NUP153: variants seen among roughly 807,000 people sequenced by gnomAD.
NUP153 encodes nucleoporin 153.
In NUP153, 27 loss-of-function variants were observed where a neutral mutation model predicts 134.6. The ratio of observed to expected loss-of-function variants is 0.20; its 90% confidence interval spans 0.15 to 0.28. The LOEUF is 0.28. NUP153 is among the 10% of genes least tolerant of loss of function. The pLI is 1.00. For missense variants in NUP153, 1,821 were observed against 1,731.3 expected (o/e 1.05, Z -0.92); for synonymous variants, 640 against 623.5 (o/e 1.03, Z -0.40).
At chr6:17,654,988 G>A (rs1305407782) in intron 11 of NUP153, among the ~76,000 whole-genome samples, 2 of 152,118 alleles carry the variant, frequency 1.3e-5, no homozygotes, top group African/African-American at 4.8e-5. Flanking sequence ...AGGTTAATTT[G>A]ACCAAGGTCA....
chr6:17,657,404 A>T (rs1441059755), intron 11 of NUP153, among the ~76,000 whole-genome samples: 10 of 151,160 alleles, frequency 6.6e-5, no homozygotes, highest in African/African-American at 1.7e-4. Flanking sequence ...AAAAAAATAA[A>T]AAAAAAAAAA....
Position 17,615,930 on chromosome 6 carries a change from G to A in NUP153, c.*167C>T, listed in dbSNP as rs916335128. On this transcript the variant is annotated 3_prime_UTR_variant, in exon 22 of 22. Transcript: ENST00000262077. The surrounding 1 kb of genome is among the most constrained non-coding windows in gnomAD (Gnocchi z 5.7). ...TTTATTTATTTAAAAAAGGGTGGGT[G>A]AGGCAGGGTGGGGCTTCTGTAACGA... 11 of 519,970 alleles carry A rather than the reference G, an allele frequency of 2.1e-5. No individual in the cohort carries two copies. Among genetic ancestry groups the A allele is most frequent in the African/African-American group, 1.9e-4 (10 of 51,670 alleles). The allele number at this position is 519,970 out of a possible 1,614,324, so 32.2% of individuals were successfully genotyped here. A position where few individuals can be genotyped will look rare whatever the true frequency, so the allele number is the denominator to read the frequency against.
rs781683737 is a variant in NUP153 at position 17,628,616 on chromosome 6, A to AT, written c.3544+38_3544+39insA. On this transcript the variant is annotated intron_variant, in intron 18 of 21. Coordinates refer to ENST00000262077, the MANE Select transcript of NUP153 (RefSeq NM_005124.4). This position sits in a 1 kb window ranked among gnomAD's most constrained non-coding sequence, Gnocchi z 5.4. ...CTTGTAAAACGACAACTTGTAAAAA[A>AT]AAAAATAATAATAATAATAATAAAA... 2.4e-4 allele frequency: 278 copies of AT among 1,170,288 alleles called. No individual in the cohort carries two copies. The highest frequency in any genetic ancestry group is 1.4e-3 in the African/African-American group (87 of 61,082). The allele number at this position is 1,170,288 out of a possible 1,614,324, so 72.5% of individuals were successfully genotyped here.
At chr6:17,626,269 C>G (rs1207221474) in intron 18 of NUP153, 105 bp from the exon 19 acceptor site, 2 of 782,172 alleles carry the variant, frequency 2.6e-6, no homozygotes, top group East Asian at 5.2e-5. Flanking sequence ...CTAGAATTCG[C>G]TAGAAAATAG....
chr6:17,706,473 G>T lies in NUP153; in HGVS notation c.-86C>A. ...GAGGCCTTAGAGAGCCTCCCCCGCC[G>T]CCCGGCCCCGGCCCAAAAGTCCGCC... On this transcript the variant is annotated 5_prime_UTR_variant, in exon 1 of 22. Transcript: ENST00000262077. This position sits in a 1 kb window ranked among gnomAD's most constrained non-coding sequence, Gnocchi z 5.9. 9.7e-7 allele frequency: 1 copy of T among 1,031,546 alleles called. No homozygotes were observed. Among genetic ancestry groups the T allele is most frequent in the Non-Finnish European group, 1.4e-6 (1 of 710,988 alleles). 63.9% of individuals were successfully genotyped at this position (1,031,546 alleles called of 1,614,324 possible).
Position 17,706,446 on chromosome 6 carries a change from C to CATATTTATTTTAAACAAA in NUP153, c.-60_-59insTTTGTTTAAAATAAATAT. ...GGTAAGGGGGCGGGAGAGGCAGAGG[C>CATATTTATTTTAAACAAA]GGAGGCCTTAGAGAGCCTCCCCCGC... is the stretch of plus-strand genomic sequence containing the variant. On this transcript the variant is annotated 5_prime_UTR_variant, in exon 1 of 22. The change creates a new upstream start codon in the 5' untranslated region. Transcript: ENST00000262077. This position sits in a 1 kb window ranked among gnomAD's most constrained non-coding sequence, Gnocchi z 5.9. 7.1e-7 allele frequency: 1 copy of CATATTTATTTTAAACAAA among 1,410,486 alleles called. No individual in the cohort carries two copies. The highest frequency in any genetic ancestry group is 1.8e-5 in the Admixed American group (1 of 56,190). The allele number at this position is 1,410,486 out of a possible 1,614,324, so 87.4% of individuals were successfully genotyped here.
intron 14 of NUP153, among the ~76,000 whole-genome samples, 171 bp downstream of exon 14, chr6:17,645,892 ATAAT>A (rs1027685127): frequency 6.6e-6 from 1 of 152,198 alleles, no homozygotes; most frequent in Non-Finnish European, 1.5e-5. Flanking sequence ...ATCTCTAAAG[ATAAT>A]TAATAAAAAG....
In NUP153 at chr6:17,626,258, C is replaced by G. The variant is rs554451455; in HGVS notation, c.3545-94G>C. On this transcript the variant is annotated intron_variant, in intron 18 of 21. Coordinates refer to ENST00000262077, the MANE Select transcript of NUP153 (RefSeq NM_005124.4). The stretch of plus-strand genomic sequence containing the variant: ...CCTACAATTGCTAGAATTTTCCTAC[C>G]CTAGAATTCGCTAGAAAATAGATTT... 21 of 890,668 alleles carry G rather than the reference C, an allele frequency of 2.4e-5. No homozygotes were observed. In the Middle Eastern group the frequency reaches 2.5e-3, roughly 105 times the overall value. 55.2% of individuals were successfully genotyped at this position (890,668 alleles called of 1,614,324 possible).
chr6:17,675,744 T>A lies in NUP153; in HGVS notation c.361A>T (p.Asn121Tyr), dbSNP rs373307370. ...GGCCTTGTTAACACATCTGGATAAT[T>A]TGAAGCAGTACTAGTTGTTGAAGGT... ...EEPSTTSTASNYPDVLTRPSL... is the reference protein window; with the variant it reads ...EEPSTTSTASYYPDVLTRPSL... The change falls in exon 3 of 22, where the codon AAT becomes TAT. Residue 121 changes from asparagine to tyrosine, a missense_variant. Asn to Tyr is a moderately radical substitution (Grantham distance 143). Coordinates refer to ENST00000262077, the MANE Select transcript of NUP153 (RefSeq NM_005124.4). This position sits in a 1 kb window ranked among gnomAD's most constrained non-coding sequence, Gnocchi z 4.4. The A allele has an allele frequency of 6.2e-7, 1 of 1,613,800 alleles. No homozygotes were observed. Among genetic ancestry groups the A allele is most frequent in the East Asian group, 2.2e-5 (1 of 44,878 alleles).
chr6:17,641,280 A>G (rs918903342), intron 14 of NUP153, among the ~76,000 whole-genome samples: 6 of 152,046 alleles, frequency 3.9e-5, no homozygotes, highest in Admixed American at 2.6e-4. Flanking sequence ...CCGTGCCTGT[A>G]ATCCCAAGGA....
At chr6:17,652,820 T>C (rs1766582063) in intron 11 of NUP153, among the ~76,000 whole-genome samples, 1 of 152,044 alleles carries the variant, frequency 6.6e-6, no homozygotes, top group African/African-American at 2.4e-5. Flanking sequence ...GGTCAGGAGT[T>C]CGAGACCAGC....
In NUP153 at chr6:17,675,147, T is replaced by C. The variant is rs77246007; in HGVS notation, c.723+82A>G. ...AAGCCTGGGCAACAGCAAAAGACTC[T>C]TGTCTCAGAAAAAAAAAAAAAAATT... On this transcript the variant is annotated intron_variant, in intron 4 of 21. Transcript: ENST00000262077. This position sits in a 1 kb window ranked among gnomAD's most constrained non-coding sequence, Gnocchi z 4.4. 3,074 of 1,546,698 alleles carry C rather than the reference T, an allele frequency of 2.0e-3. 35 individuals are homozygous for C. The African/African-American group carries it at 0.026, about 13-fold the overall frequency.
At chr6:17,655,072 T>A (rs564080376) in intron 11 of NUP153, among the ~76,000 whole-genome samples, 132 of 152,194 alleles carry the variant, frequency 8.7e-4, no homozygotes, top group African/African-American at 2.9e-3. Context: ...AGTCTTCTTA[T>A]ATACTGCTAC....
At chr6:17,670,130 G>A (rs9350054) in intron 5 of NUP153, among the ~76,000 whole-genome samples, 16,773 of 140,650 alleles carry the variant, frequency 0.12, 1,224 homozygotes, top group East Asian at 0.29. Context: ...AGTACTACAC[G>A]CTAGCTTAAG....
At chr6:17,668,199 C>T (rs551096215) in intron 8 of NUP153, among the ~76,000 whole-genome samples, 27 of 151,212 alleles carry the variant, frequency 1.8e-4, no homozygotes, top group African/African-American at 5.1e-4. Flanking sequence ...CCTCAGCCTC[C>T]GGAGTAGCTG....
In NUP153 at chr6:17,662,069, G is replaced by A. The variant is rs1241578421; in HGVS notation, c.1217C>T (p.Thr406Ile). ...GGGTGTCATATTTTTTTCATATCCA[G>A]TCTGCAGGGGAAATACACACATATT... Reference protein sequence around the residue: ...TNQRIDNKCSTGYEKNMTPGQ... With the variant: ...TNQRIDNKCSIGYEKNMTPGQ... The change falls in exon 10 of 22, where the codon ACT becomes ATT. Residue 406 changes from threonine to isoleucine, a missense_variant and splice_region_variant. Physicochemically the swap from Thr to Ile is moderately conservative, Grantham distance 89. Transcript: ENST00000262077. The A allele has an allele frequency of 6.2e-7, 1 of 1,611,764 alleles. No individual in the cohort carries two copies. Among genetic ancestry groups the A allele is most frequent in the Non-Finnish European group, 8.5e-7 (1 of 1,178,854 alleles).
chr6:17,623,158 A>G (rs961167565), intron 20 of NUP153, among the ~76,000 whole-genome samples: 3 of 151,742 alleles, frequency 2.0e-5, no homozygotes, highest in African/African-American at 7.3e-5. Context: ...CGATGACAAC[A>G]GAGGAAAATG....
intron 1 of NUP153, among the ~76,000 whole-genome samples, chr6:17,705,570 C>T (rs1031463621): frequency 4.6e-4 from 1 of 2,168 alleles, no homozygotes; most frequent in Non-Finnish European, 9.3e-4. Context: ...AAAATAAAGG[C>T]GGGGGTGGCG....
intron 2 of NUP153, among the ~76,000 whole-genome samples, chr6:17,676,339 A>G (rs1228367463): frequency 6.6e-6 from 1 of 152,064 alleles, no homozygotes; most frequent in East Asian, 1.9e-4. Flanking sequence ...CACATACTAA[A>G]CCATACTAAA....
Sources: allele counts gnomAD v4.1 joint callset (sites outside exome capture counted in the v4.1 genomes callset), GRCh38; gene constraint gnomAD v4.1.1; non-coding constraint Gnocchi (gnomAD v3.1); transcripts MANE v1.5; gene names NCBI Gene and HGNC (gene_info 2026-07-23, HGNC 2026-07-21).